HS2ST1: variants seen among roughly 807,000 people sequenced by gnomAD.
HS2ST1 encodes the protein heparan sulfate 2-O-sulfotransferase 1, also known as 2-O-sulfotransferase.
HS2ST1 carries 18 observed loss-of-function variants against 42.9 expected under a neutral mutation model. The observed-to-expected ratio is 0.42, with a 90% CI of 0.29 to 0.62. The LOEUF (loss-of-function observed/expected upper bound fraction) is 0.62, where lower values mean the gene tolerates loss of function less well. Ranked by LOEUF, HS2ST1 falls within the 20% of genes least tolerant of loss-of-function variation. The pLI, the probability that HS2ST1 is intolerant of heterozygous loss-of-function variation, is 0.21. For synonymous variants in HS2ST1, 146 were observed against 152.9 expected (o/e 0.95, Z 0.33); for missense variants, 334 against 433.8 (o/e 0.77, Z 2.04).
In HS2ST1 at chr1:87,100,436, C is replaced by A. The variant is rs1248166719; in HGVS notation, c.686+2501C>A. 2.6e-5 allele frequency among the ~76,000 whole-genome samples: 4 copies of A among 152,162 alleles called. No individual in the cohort carries two copies. In the East Asian group the frequency reaches 7.7e-4, roughly 29 times the overall value. On this transcript the variant is annotated intron_variant, in intron 5 of 6. Transcript: ENST00000370550. ...GGGCAGCAGGACCCTGGGCCTGCCCCCTTAAATCATTCTTCCCCCCAAGGC... is the reference window on the plus strand; with the variant it reads ...GGGCAGCAGGACCCTGGGCCTGCCCACTTAAATCATTCTTCCCCCCAAGGC...
At chr1:86,974,137 T>G (rs1648319511) in intron 1 of HS2ST1, among the ~76,000 whole-genome samples, 1 of 152,152 alleles carries the variant, frequency 6.6e-6, no homozygotes. Flanking sequence ...TTTGTTCTAA[T>G]GGGGTGACAC....
chr1:87,099,241 CTG>C (rs1343883392), intron 5 of HS2ST1, among the ~76,000 whole-genome samples: 1 of 152,110 alleles, frequency 6.6e-6, no homozygotes, highest in Non-Finnish European at 1.5e-5. Context: ...CTACCTGAGA[CTG>C]GGTAATTTAT....
At chr1:86,970,981 T>C (rs1648216871) in intron 1 of HS2ST1, among the ~76,000 whole-genome samples, 1 of 152,208 alleles carries the variant, frequency 6.6e-6, no homozygotes, top group Non-Finnish European at 1.5e-5. Flanking sequence ...AAATGTCTTC[T>C]ACTGATGCCA....
chr1:87,051,349 T>C (rs1254820931), intron 1 of HS2ST1, among the ~76,000 whole-genome samples: 1 of 152,130 alleles, frequency 6.6e-6, no homozygotes, highest in Non-Finnish European at 1.5e-5. Flanking sequence ...ACAAACAGTT[T>C]TGAGTTACTT....
chr1:87,058,478 A>ATG (rs1651033012), intron 1 of HS2ST1, among the ~76,000 whole-genome samples: 1 of 151,406 alleles, frequency 6.6e-6, no homozygotes, highest in South Asian at 2.1e-4. Flanking sequence ...TTTATGTGGC[A>ATG]TGATCCATCC....
chr1:87,063,707 G>C lies in HS2ST1; in HGVS notation c.125-9227G>C, dbSNP rs575783617. Among the ~76,000 whole-genome samples, 179 of 152,098 alleles carry C rather than the reference G, an allele frequency of 1.2e-3. 1 individual carries two copies. Among genetic ancestry groups the C allele is most frequent in the African/African-American group, 4.1e-3 (168 of 41,474 alleles). ...TGGGGCTTTCCATTTTTTTCGTTTG[G>C]TTCAAGCATGTTCATAATTGCTCAT... On this transcript the variant is annotated intron_variant, in intron 1 of 6. Transcript: ENST00000370550.
intron 2 of HS2ST1, among the ~76,000 whole-genome samples, chr1:87,073,565 T>TAGATAG (rs758067035): frequency 1.3e-5 from 2 of 152,128 alleles, no homozygotes; most frequent in African/African-American, 4.8e-5. Context: ...CCCTCTTTAC[T>TAGATAG]AGATAGAGAT....
intron 1 of HS2ST1, among the ~76,000 whole-genome samples, chr1:86,964,859 T>A (rs1301329706): frequency 6.6e-6 from 1 of 152,200 alleles, no homozygotes; most frequent in African/African-American, 2.4e-5. Flanking sequence ...GCAGCAATAA[T>A]GTTAGTAATA....
intron 1 of HS2ST1, among the ~76,000 whole-genome samples, chr1:87,014,639 A>G (rs2100581482): frequency 6.6e-6 from 1 of 152,344 alleles, no homozygotes; most frequent in African/African-American, 2.4e-5. Context: ...GGCTGTGAAG[A>G]GAGGGTTCTC....
chr1:87,040,370 A>C (rs1936281), intron 1 of HS2ST1, among the ~76,000 whole-genome samples: 141,802 of 152,128 alleles, frequency 0.93, 66,147 homozygotes, highest in East Asian at 0.99. Context: ...TCATTCTGTT[A>C]CTGTGATATT....
chr1:86,985,865 C>T (rs1019845528), intron 1 of HS2ST1, among the ~76,000 whole-genome samples: 1 of 151,942 alleles, frequency 6.6e-6, no homozygotes, highest in African/African-American at 2.4e-5. Flanking sequence ...AGCAACCAGC[C>T]AAAGAAACCA....
chr1:86,919,890 C>G (rs1423934922), intron 1 of HS2ST1, among the ~76,000 whole-genome samples: 2 of 152,066 alleles, frequency 1.3e-5, no homozygotes, highest in East Asian at 3.8e-4. Context: ...AAAATGTAGA[C>G]TTAATTTTCT....
chr1:87,009,641 G>A (rs1025712005), intron 1 of HS2ST1, among the ~76,000 whole-genome samples: 9 of 152,158 alleles, frequency 5.9e-5, no homozygotes, highest in Non-Finnish European at 2.9e-5. Flanking sequence ...CGTTTACTGT[G>A]TGAATCTGCT....
intron 1 of HS2ST1, among the ~76,000 whole-genome samples, chr1:87,036,271 A>T (rs145914726): frequency 6.6e-6 from 1 of 152,176 alleles, no homozygotes; most frequent in Non-Finnish European, 1.5e-5. Context: ...ATACATGTGC[A>T]TGTGTCTTTA....
intron 1 of HS2ST1, among the ~76,000 whole-genome samples, chr1:87,012,040 TC>T (rs1649610950): frequency 6.6e-6 from 1 of 152,212 alleles, no homozygotes; most frequent in Admixed American, 6.5e-5. Flanking sequence ...ATTAATTGAT[TC>T]CCCTTTCCAC....
chr1:87,068,691 G>C (rs887948156), intron 1 of HS2ST1, among the ~76,000 whole-genome samples: 1 of 151,998 alleles, frequency 6.6e-6, no homozygotes, highest in Non-Finnish European at 1.5e-5. Context: ...GCTTACTGTT[G>C]GCCAGAAGCC....
At chr1:86,993,321 A>G (rs2100562382) in intron 1 of HS2ST1, among the ~76,000 whole-genome samples, 1 of 152,316 alleles carries the variant, frequency 6.6e-6, no homozygotes, top group East Asian at 1.9e-4. Context: ...GCTTTGATCA[A>G]AATTGTTTCC....
chr1:87,030,517 C>T (rs1650204469), intron 1 of HS2ST1, among the ~76,000 whole-genome samples: 1 of 151,844 alleles, frequency 6.6e-6, no homozygotes, highest in Admixed American at 6.6e-5. Context: ...TATACACAGA[C>T]ATGCATGCAC....
intron 1 of HS2ST1, among the ~76,000 whole-genome samples, chr1:86,930,732 C>T (rs557512994): frequency 6.6e-6 from 1 of 152,070 alleles, no homozygotes; most frequent in African/African-American, 2.4e-5. Context: ...TTGAATTTCC[C>T]ACATATCCAA....
Sources: allele counts gnomAD v4.1 joint callset (sites outside exome capture counted in the v4.1 genomes callset), GRCh38; gene constraint gnomAD v4.1.1; transcripts MANE v1.5; gene names NCBI Gene and HGNC (gene_info 2026-07-23, HGNC 2026-07-21).